CCDC171: variants seen among roughly 807,000 people sequenced by gnomAD.
CCDC171 encodes coiled-coil domain-containing protein 171.
CCDC171 carries 177 observed loss-of-function variants against 168.2 expected under a neutral mutation model. That is an observed-to-expected ratio of 1.05 (90% CI 0.93 to 1.19). The LOEUF (loss-of-function observed/expected upper bound fraction) is 1.19, where lower values mean the gene tolerates loss of function less well. Among genes scored for constraint, CCDC171 ranks in the 50% most tolerant of loss-of-function variants. The pLI is 0.00. For missense variants in CCDC171, 1,991 were observed against 1,539.0 expected, an observed-to-expected ratio of 1.29 and a Z score of -4.91; for synonymous variants, 687 against 540.8, an observed-to-expected ratio of 1.27 and a Z score of -3.75.
In CCDC171 at chr9:15,564,075, A is replaced by C. The variant is rs138306281; in HGVS notation, c.-14A>C. The stretch of plus-strand genomic sequence containing the variant: ...AAGAAATAGCAGGGTATTTTGAAAG[A>C]GTTGGAAAACATCATGAATTTGAAT... On this transcript the variant is annotated 5_prime_UTR_variant, in exon 2 of 26. Transcript: ENST00000380701. 3.4e-4 allele frequency: 544 copies of C among 1,596,058 alleles called. 3 individuals carry two copies. The African/African-American group carries it at 6.2e-3, about 18-fold the overall frequency.
the CCDC171 span, among the ~76,000 whole-genome samples, chr9:16,089,740 A>G: frequency 6.7e-5 from 10 of 150,126 alleles, no homozygotes; most frequent in African/African-American, 2.5e-4. Context: ...ATTTACAAGA[A>G]AAAAAAAACC....
At chr9:16,061,470 TTC>T (rs774704238), downstream of CCDC171, 4 of 152,210 alleles carry the variant, frequency 2.6e-5, no homozygotes, top group Non-Finnish European at 5.9e-5. Flanking sequence ...CATGTTTATT[TTC>T]TCTCTTCCTG....
At chr9:15,672,264 G>A (rs1408105903) in intron 9 of CCDC171, among the ~76,000 whole-genome samples, 1 of 152,022 alleles carries the variant, frequency 6.6e-6, no homozygotes, top group Non-Finnish European at 1.5e-5. Flanking sequence ...TTTGTCAGAT[G>A]GATAAATTGC....
intron 25 of CCDC171, among the ~76,000 whole-genome samples, chr9:15,956,615 T>C (rs560993084): frequency 2.0e-5 from 3 of 152,234 alleles, no homozygotes; most frequent in South Asian, 2.1e-4. Context: ...AGTGAACATA[T>C]TGGGAGGTGA....
intron 8 of CCDC171, among the ~76,000 whole-genome samples, chr9:15,659,284 A>C (rs1386368581): frequency 1.3e-5 from 2 of 152,202 alleles, no homozygotes; most frequent in Admixed American, 1.3e-4. Context: ...AGTTAAGGAA[A>C]TTACATAGGA....
At chr9:15,659,606 A>G (rs12002030) in intron 8 of CCDC171, among the ~76,000 whole-genome samples, 4,407 of 152,268 alleles carry the variant, frequency 0.029, 210 homozygotes, top group African/African-American at 0.1. Context: ...TTTGTGAACA[A>G]ATGTAATAGA....
chr9:16,090,121 G>A, the CCDC171 span, among the ~76,000 whole-genome samples: 46 of 152,222 alleles, frequency 3.0e-4, no homozygotes, highest in African/African-American at 1.0e-3. Context: ...ACATGCACAC[G>A]TATGTTTATT....
chr9:15,559,642 G>C (rs1229546105), intron 1 of CCDC171, among the ~76,000 whole-genome samples: 1 of 152,058 alleles, frequency 6.6e-6, no homozygotes, highest in African/African-American at 2.4e-5. Flanking sequence ...ACGTGAGATA[G>C]GTCTCCTCAG....
chr9:16,004,866 C>T (rs1002991169), intron 3 of CCDC171, among the ~76,000 whole-genome samples: 1 of 151,904 alleles, frequency 6.6e-6, no homozygotes, highest in South Asian at 2.1e-4. Context: ...TCCCTGGAGG[C>T]CCTTAACATT....
chr9:15,788,750 C>T (rs1290931413), intron 21 of CCDC171, among the ~76,000 whole-genome samples: 1 of 152,112 alleles, frequency 6.6e-6, no homozygotes, highest in African/African-American at 2.4e-5. Context: ...TGGAAACTGC[C>T]TATGTTGCCC....
intron 25 of CCDC171, among the ~76,000 whole-genome samples, chr9:15,967,335 A>G (rs1284586379): frequency 6.6e-6 from 1 of 152,238 alleles, no homozygotes; most frequent in Non-Finnish European, 1.5e-5. Flanking sequence ...GGCTTAAAAC[A>G]TCATCATGGA....
chr9:16,094,399 C>G, the CCDC171 span, among the ~76,000 whole-genome samples: 1 of 152,078 alleles, frequency 6.6e-6, no homozygotes, highest in Non-Finnish European at 1.5e-5. Context: ...GGAGCGAGTG[C>G]TCGTTGTGTA....
the CCDC171 span, among the ~76,000 whole-genome samples, chr9:16,092,421 C>A: frequency 6.6e-6 from 1 of 152,250 alleles, no homozygotes; most frequent in South Asian, 2.1e-4. Context: ...TGCTGAGATG[C>A]GCTGGTCTGC....
chr9:15,719,724 TCAG>T (rs951050297), intron 11 of CCDC171, among the ~76,000 whole-genome samples: 9 of 152,314 alleles, frequency 5.9e-5, no homozygotes, highest in African/African-American at 2.2e-4. Flanking sequence ...CCATTACTCT[TCAG>T]CACTCATATT....
intron 10 of CCDC171, among the ~76,000 whole-genome samples, chr9:15,688,687 C>T (rs2050579442): frequency 6.6e-6 from 1 of 152,106 alleles, no homozygotes; most frequent in South Asian, 2.1e-4. Flanking sequence ...ACTAAGAATA[C>T]AAGGAAGCTT....
chr9:15,696,994 C>G (rs1348041538), intron 11 of CCDC171, among the ~76,000 whole-genome samples: 2 of 152,060 alleles, frequency 1.3e-5, no homozygotes, highest in Non-Finnish European at 2.9e-5. Context: ...TCCTTTACAC[C>G]CTTCTCCCCT....
intron 20 of CCDC171, among the ~76,000 whole-genome samples, chr9:15,784,202 A>G (rs1157559852): frequency 6.6e-6 from 1 of 152,196 alleles, no homozygotes; most frequent in Non-Finnish European, 1.5e-5. Context: ...TCCCACAATC[A>G]TAATCTTTAT....
chr9:15,684,880 C>A (rs1212111817), intron 10 of CCDC171, among the ~76,000 whole-genome samples: 2 of 152,066 alleles, frequency 1.3e-5, no homozygotes, highest in African/African-American at 2.4e-5. Context: ...TATTTTTAGT[C>A]CCCTGTTTAC....
chr9:15,757,585 G>A (rs181594561), intron 18 of CCDC171, among the ~76,000 whole-genome samples: 354 of 152,332 alleles, frequency 2.3e-3, no homozygotes, highest in African/African-American at 7.8e-3. Flanking sequence ...AGTGGGCTGC[G>A]GAAATTTGCT....
Sources: gnomAD v4.1 joint callset for allele counts (sites outside exome capture counted in the v4.1 genomes callset) on GRCh38, gnomAD v4.1.1 for gene constraint, MANE v1.5 for transcripts, NCBI Gene and HGNC (gene_info 2026-07-23, HGNC 2026-07-21) for gene names.